The following SHANK2 variants were observed in gnomAD, a reference collection of about 807,000 sequenced individuals.
SHANK2 encodes SH3 and multiple ankyrin repeat domains 2.
A neutral mutation model predicts 133.7 loss-of-function variants in SHANK2; 43 were observed. The ratio of observed to expected loss-of-function variants is 0.32; its 90% CI spans 0.25 to 0.41. The LOEUF is 0.41. Ranked by LOEUF, SHANK2 falls within the 10% of genes least tolerant of loss-of-function variation. The pLI is 1.00. For missense variants in SHANK2, 1,994 were observed against 2,235.8 expected (o/e 0.89, Z 2.18); for synonymous variants, 1,017 against 952.8 (o/e 1.07, Z -1.24).
chr11:70,823,406 C>G (rs562259925), intron 11 of SHANK2, among the ~76,000 whole-genome samples: 2 of 132,748 alleles, frequency 1.5e-5, no homozygotes, highest in Non-Finnish European at 3.2e-5. Flanking sequence ...ACAGAGGTGG[C>G]GTTGGCAGAA....
At chr11:70,551,917 C>G (rs2059774891) in intron 17 of SHANK2, among the ~76,000 whole-genome samples, 1 of 152,206 alleles carries the variant, frequency 6.6e-6, no homozygotes, top group African/African-American at 2.4e-5. Flanking sequence ...GGGAGCGAGA[C>G]TCTCTATGCG....
chr11:70,830,502 G>A lies in SHANK2; in HGVS notation c.1175-9820C>T, dbSNP rs896404632. On this transcript the variant is annotated intron_variant, in intron 11 of 25. Coordinates refer to ENST00000601538, the MANE Select transcript of SHANK2 (RefSeq NM_012309.5). This position sits in a 1 kb window ranked among gnomAD's most constrained non-coding sequence, Gnocchi z 4.4. The stretch of plus-strand genomic sequence containing the variant: ...CACGGAGACCCAGAAACCTGCCACC[G>A]ACCAGGTGACCTTGGAGAGCTGGGG... Among the ~76,000 whole-genome samples the A allele has an allele frequency of 3.3e-5, 5 of 152,292 alleles. No individual in the cohort carries two copies. Among genetic ancestry groups the A allele is most frequent in the South Asian group, 4.1e-4 (2 of 4,822 alleles).
At chr11:71,123,016 G>T (rs755850449) in intron 3 of SHANK2, among the ~76,000 whole-genome samples, 1 of 152,154 alleles carries the variant, frequency 6.6e-6, no homozygotes, top group Admixed American at 6.5e-5. Flanking sequence ...CTCTGAGAGC[G>T]GAACTCAGCA....
intron 20 of SHANK2, among the ~76,000 whole-genome samples, chr11:70,501,641 T>C (rs1591509992): frequency 6.6e-6 from 1 of 152,192 alleles, no homozygotes; most frequent in African/African-American, 2.4e-5. Context: ...TAGTCGCCCT[T>C]CCCCTGCCTA....
chr11:70,816,281 G>C (rs1472411977), intron 12 of SHANK2, among the ~76,000 whole-genome samples: 1 of 152,372 alleles, frequency 6.6e-6, no homozygotes, highest in East Asian at 1.9e-4. Flanking sequence ...GAACCAGCAA[G>C]TGACTTGCCC....
At chr11:71,147,027 G>A (rs78622145) in intron 3 of SHANK2, 93 bp downstream of exon 3, 26,639 of 1,079,124 alleles carry the variant, frequency 0.025, 568 homozygotes, top group African/African-American at 0.1. Flanking sequence ...AGTCAGGACC[G>A]TGGGTCCGGG....
At chr11:70,886,671 T>G (rs185428474) in intron 11 of SHANK2, among the ~76,000 whole-genome samples, 1 of 140,016 alleles carries the variant, frequency 7.1e-6, no homozygotes, top group African/African-American at 2.7e-5. Flanking sequence ...AGCCTGAATT[T>G]TACTTTCACA....
intron 2 of SHANK2, among the ~76,000 whole-genome samples, chr11:71,164,100 G>A (rs1448917920): frequency 6.6e-6 from 1 of 152,128 alleles, no homozygotes; most frequent in Non-Finnish European, 1.5e-5. Flanking sequence ...GGTACCCTGT[G>A]TTTGTTCCTC....
intron 15 of SHANK2, among the ~76,000 whole-genome samples, chr11:70,695,887 A>T (rs1945382058): frequency 6.6e-6 from 1 of 152,168 alleles, no homozygotes; most frequent in Admixed American, 6.5e-5. Flanking sequence ...TCGCCATGGG[A>T]GTACTGGAGC....
chr11:70,717,747 C>T (rs1945972993), intron 14 of SHANK2, among the ~76,000 whole-genome samples: 1 of 152,084 alleles, frequency 6.6e-6, no homozygotes, highest in Non-Finnish European at 1.5e-5. Flanking sequence ...ACCACTGCTC[C>T]TCGGGGTCTC....
chr11:70,774,035 C>T (rs1259722851), intron 14 of SHANK2, among the ~76,000 whole-genome samples: 1 of 152,162 alleles, frequency 6.6e-6, no homozygotes, highest in Non-Finnish European at 1.5e-5. Context: ...CAAATGTTCA[C>T]AGCAGCCAAA....
At chr11:70,887,803 T>A (rs1949769955) in intron 11 of SHANK2, among the ~76,000 whole-genome samples, 1 of 152,102 alleles carries the variant, frequency 6.6e-6, no homozygotes, top group African/African-American at 2.4e-5. Context: ...CACCTCTAGC[T>A]TGGAATTTGC....
chr11:71,242,271 A>G (rs1331677264), intron 1 of SHANK2, among the ~76,000 whole-genome samples: 1 of 152,198 alleles, frequency 6.6e-6, no homozygotes, highest in East Asian at 1.9e-4. Flanking sequence ...ACGTAGTTTC[A>G]GTTCTGCAAG....
At chr11:70,744,750 C>T (rs1946603331) in intron 14 of SHANK2, among the ~76,000 whole-genome samples, 2 of 152,226 alleles carry the variant, frequency 1.3e-5, no homozygotes, top group African/African-American at 4.8e-5. Context: ...GGCCAATAGC[C>T]CTGGGCTGTG....
intron 8 of SHANK2, among the ~76,000 whole-genome samples, chr11:71,085,720 TTATATA>T (rs1951384934): frequency 3.1e-5 from 2 of 65,548 alleles, no homozygotes; most frequent in African/African-American, 1.2e-4. Context: ...ATATATTATA[TTATATA>T]AAATATAATA....
At chr11:71,071,624 C>T (rs1951143223) in intron 9 of SHANK2, among the ~76,000 whole-genome samples, 1 of 152,188 alleles carries the variant, frequency 6.6e-6, no homozygotes, top group Admixed American at 6.5e-5. Context: ...GACTGAGGGT[C>T]AGGAAGTCTG....
In SHANK2 at chr11:70,736,219, G is replaced by A. The variant is rs143042763; in HGVS notation, c.1778-37456C>T. 5.2e-4 allele frequency among the ~76,000 whole-genome samples: 79 copies of A among 152,240 alleles called. No homozygotes were observed. In the South Asian group the frequency reaches 0.011, roughly 22 times the overall value. ...ATGGCCTCCTGGTGGCCAACCGCTCGTTTCAGAGCTCACTCATTCAGCAAA... is the reference window on the plus strand; with the variant it reads ...ATGGCCTCCTGGTGGCCAACCGCTCATTTCAGAGCTCACTCATTCAGCAAA... On this transcript the variant is annotated intron_variant, in intron 14 of 25. Coordinates refer to ENST00000601538, the MANE Select transcript of SHANK2 (RefSeq NM_012309.5).
At chr11:70,955,101 A>G (rs1247559467) in intron 10 of SHANK2, among the ~76,000 whole-genome samples, 2 of 152,174 alleles carry the variant, frequency 1.3e-5, no homozygotes, top group African/African-American at 4.8e-5. Flanking sequence ...CCCTGCCCAT[A>G]TTAAATTTGG....
rs1024420721 is a variant in SHANK2 at position 71,244,048 on chromosome 11, C to T, written c.-113+8377G>A. Among the ~76,000 whole-genome samples, 6 of 152,346 alleles carry T rather than the reference C, an allele frequency of 3.9e-5. No homozygotes were observed. The East Asian group carries it at 7.7e-4, about 20-fold the overall frequency. On this transcript the variant is annotated intron_variant, in intron 1 of 25. Transcript: ENST00000601538. ...GTATTACTCTGATACCAAAACCAGA[C>T]TTCAAAAGAAAACTATAGGCTTCCT...
Sources: gnomAD v4.1 joint callset for allele counts (sites outside exome capture counted in the v4.1 genomes callset) on GRCh38, gnomAD v4.1.1 for gene constraint, Gnocchi (gnomAD v3.1) non-coding constraint, MANE v1.5 for transcripts, NCBI Gene and HGNC (gene_info 2026-07-23, HGNC 2026-07-21) for gene names.